LRRK2: variants seen among roughly 807,000 people sequenced by gnomAD.
LRRK2 encodes the protein leucine rich repeat kinase 2, also known as leucine-rich repeat serine/threonine-protein kinase 2.
LRRK2 carries 203 observed loss-of-function variants against 302.6 expected under a neutral mutation model. That is an observed-to-expected ratio of 0.67 (90% CI 0.60 to 0.75). The LOEUF is 0.75. Among genes scored for constraint, LRRK2 ranks in the 30% least tolerant of loss-of-function variants. LRRK2 has a pLI of 0.00. For synonymous variants in LRRK2, 1,066 were observed against 1,031.9 expected (o/e 1.03, Z -0.63); for missense variants, 2,830 against 2,951.0 (o/e 0.96, Z 0.95).
intron 14 of LRRK2, among the ~76,000 whole-genome samples, chr12:40,270,972 G>T (rs1185270749): frequency 6.6e-6 from 1 of 151,900 alleles, no homozygotes; most frequent in Non-Finnish European, 1.5e-5. Flanking sequence ...TGGAGACAGG[G>T]TCTCACTATG....
intron 31 of LRRK2, among the ~76,000 whole-genome samples, chr12:40,311,385 A>T (rs1450249011): frequency 2.0e-5 from 3 of 152,144 alleles, no homozygotes; most frequent in African/African-American, 7.2e-5. Context: ...AGAAATCTTC[A>T]CTGGGTACTA....
chr12:40,323,400 T>C, intron 38 of LRRK2, 94 bp downstream of exon 38: 1 of 1,049,854 alleles, frequency 9.5e-7, no homozygotes, highest in South Asian at 1.5e-5. Context: ...TGTCATAGAT[T>C]TTACTGTCTT....
chr12:40,231,168 C>T (rs1941161495), intron 2 of LRRK2, among the ~76,000 whole-genome samples: 1 of 152,112 alleles, frequency 6.6e-6, no homozygotes, highest in Admixed American at 6.6e-5. Context: ...TCTCCAACTT[C>T]ACCTAATCCT....
chr12:40,254,448 T>A lies in LRRK2; in HGVS notation c.1288+1432T>A, dbSNP rs142152465. Reference sequence around the variant, plus strand: ...AGACAGGGGCTGCTCTCAAGGATAATGAGTCAAAGGGGAAGGAGAGGGAAT... The same window carrying A: ...AGACAGGGGCTGCTCTCAAGGATAAAGAGTCAAAGGGGAAGGAGAGGGAAT... On this transcript the variant is annotated intron_variant, in intron 11 of 50. Transcript: ENST00000298910. Among the ~76,000 whole-genome samples the A allele has an allele frequency of 9.9e-3, 1,503 of 152,174 alleles. 12 individuals carry two copies. The highest frequency in any genetic ancestry group is 0.034 in the South Asian group (162 of 4,820).
chr12:40,243,195 T>G (rs570934372), intron 6 of LRRK2, among the ~76,000 whole-genome samples: 1 of 152,216 alleles, frequency 6.6e-6, no homozygotes, highest in African/African-American at 2.4e-5. Context: ...TTTATTTATC[T>G]GAAAACTTAT....
chr12:40,358,366 T>A (rs1946606792), intron 46 of LRRK2, among the ~76,000 whole-genome samples: 1 of 152,200 alleles, frequency 6.6e-6, no homozygotes, highest in Non-Finnish European at 1.5e-5. Flanking sequence ...CTTCTGGTCT[T>A]ACATTTAAGT....
chr12:40,322,279 G>A, intron 36 of LRRK2, 40 bp from the exon 37 acceptor site: 3 of 1,610,306 alleles, frequency 1.9e-6, no homozygotes, highest in Non-Finnish European at 2.5e-6. Flanking sequence ...GACAGTATGA[G>A]GTTTAGACAA....
At chr12:40,275,471 A>T (rs1177161072) in intron 16 of LRRK2, among the ~76,000 whole-genome samples, 1 of 152,054 alleles carries the variant, frequency 6.6e-6, no homozygotes, top group Admixed American at 6.6e-5. Flanking sequence ...GGAATTCAAG[A>T]TACTGGCCTA....
At position 40,323,218 on chromosome 12, in the gene LRRK2, C is replaced by A; in HGVS notation, c.5568C>A (p.Ala1856=). The change falls in exon 38 of 51, where the codon GCC becomes GCA. Residue 1856 remains alanine (A), a synonymous_variant. Coordinates refer to ENST00000298910, the MANE Select transcript of LRRK2 (RefSeq NM_198578.4). ...TCACCATTCCAATATCTCAGATTGCCCCTGACTTGATTTTGGCTGACCTGC... is the reference window on the plus strand; with the variant it reads ...TCACCATTCCAATATCTCAGATTGCACCTGACTTGATTTTGGCTGACCTGC... ...PRLTIPISQI[A]PDLILADLPR... The A allele has an allele frequency of 6.2e-7, 1 of 1,613,080 alleles. No homozygotes were observed. The highest frequency in any genetic ancestry group is 1.3e-5 in the African/African-American group (1 of 74,968).
chr12:40,285,095 T>G (rs1433394632), intron 19 of LRRK2, among the ~76,000 whole-genome samples: 1 of 152,078 alleles, frequency 6.6e-6, no homozygotes, highest in Admixed American at 6.6e-5. Context: ...TACCCTTACT[T>G]CCAGTCTTTT....
At chr12:40,353,903 A>G (rs1448950107) in intron 44 of LRRK2, among the ~76,000 whole-genome samples, 3 of 152,214 alleles carry the variant, frequency 2.0e-5, no homozygotes, top group Non-Finnish European at 1.5e-5. Context: ...AGAATCAGGC[A>G]GGGAGGTTGC....
chr12:40,306,396 T>G (rs934006517), intron 28 of LRRK2, among the ~76,000 whole-genome samples: 2 of 152,176 alleles, frequency 1.3e-5, no homozygotes, highest in Non-Finnish European at 2.9e-5. Flanking sequence ...AATTACTAAC[T>G]TCTATTTTGC....
chr12:40,307,785 T>TC (rs1277538105), intron 28 of LRRK2, among the ~76,000 whole-genome samples: 18 of 145,330 alleles, frequency 1.2e-4, no homozygotes, highest in East Asian at 2.0e-4. Context: ...TCTTTTCTTT[T>TC]TTTTTTTTTT....
At position 40,276,381 on chromosome 12, in the gene LRRK2, C is replaced by T. The variant is rs189454471; in HGVS notation, c.1941+1388C>T. 9.9e-5 allele frequency among the ~76,000 whole-genome samples: 15 copies of T among 151,986 alleles called. 1 individual carries two copies. The highest frequency in any genetic ancestry group is 2.7e-4 in the African/African-American group (11 of 41,468). On this transcript the variant is annotated intron_variant, in intron 16 of 50. Coordinates refer to ENST00000298910, the MANE Select transcript of LRRK2 (RefSeq NM_198578.4). Reference sequence around the variant, plus strand: ...CGCAGTCTCAGCTCACATCACCCTCCGCCTCCTGGGTTCAAGCAATTCTCC... The same window carrying T: ...CGCAGTCTCAGCTCACATCACCCTCTGCCTCCTGGGTTCAAGCAATTCTCC...
Position 40,363,411 on chromosome 12 carries a change from T to G in LRRK2, c.7038T>G (p.Tyr2346Ter), listed in dbSNP as rs1397375920. ...TTTTTTTTCTCTGTAGGTTTTCTTA[T>G]GCAGCTTTCAGTGATTCCAACATCA... Reference protein sequence around the residue: ...IETRTSQLFSYAAFSDSNIIT... With the variant: ...IETRTSQLFS Residue 2346 changes from tyrosine to a stop codon, truncating the protein, a stop_gained, in exon 48 of 51, where the codon TAT (tyrosine) becomes TAG (stop). Coordinates refer to ENST00000298910, the MANE Select transcript of LRRK2 (RefSeq NM_198578.4). LOFTEE classifies it high-confidence loss of function. The G allele has an allele frequency of 6.2e-7, 1 of 1,611,578 alleles. No individual in the cohort carries two copies. The highest frequency in any genetic ancestry group is 1.7e-5 in the Admixed American group (1 of 59,806).
chr12:40,267,679 G>A (rs1037637039), intron 14 of LRRK2, among the ~76,000 whole-genome samples: 3 of 152,044 alleles, frequency 2.0e-5, no homozygotes, highest in Non-Finnish European at 2.9e-5. Context: ...ACTGATTATC[G>A]ATAGGGGTGG....
intron 44 of LRRK2, among the ~76,000 whole-genome samples, chr12:40,353,594 G>T (rs547333022): frequency 5.3e-4 from 81 of 152,196 alleles, no homozygotes; most frequent in African/African-American, 1.8e-3. Flanking sequence ...CGGCCGGGCA[G>T]AGGCTGCAAT....
At chr12:40,366,471 T>G (rs1444660132) in intron 49 of LRRK2, 1 of 154,818 alleles carries the variant, frequency 6.5e-6, no homozygotes, top group Admixed American at 6.4e-5. Context: ...GTTGGGTTAG[T>G]GTGTTTTTGT....
intron 2 of LRRK2, chr12:40,227,845 G>T (rs1940972848): frequency 6.6e-6 from 1 of 152,208 alleles, no homozygotes; most frequent in Admixed American, 6.5e-5. Context: ...ATAAGCATGT[G>T]CCACCATGCT....
Sources: gnomAD v4.1 joint callset for allele counts (sites outside exome capture counted in the v4.1 genomes callset) on GRCh38, gnomAD v4.1.1 for gene constraint, MANE v1.5 for transcripts, NCBI Gene and HGNC (gene_info 2026-07-23, HGNC 2026-07-21) for gene names.